Variants in SYNE3 observed in about 807,000 individuals in gnomAD.
SYNE3 encodes nesprin-3.
A neutral mutation model predicts 111.2 loss-of-function variants in SYNE3; 100 were observed. That is an observed-to-expected ratio of 0.90 (90% CI 0.77 to 1.06). The LOEUF (loss-of-function observed/expected upper bound fraction) is 1.06. SYNE3 is among the 50% of genes least tolerant of loss of function. SYNE3 has a pLI of 0.00. For missense variants in SYNE3, 1,160 were observed against 1,240.3 expected, an observed-to-expected ratio of 0.94 and a Z score of 0.97; for synonymous variants, 547 against 533.9, an observed-to-expected ratio of 1.02 and a Z score of -0.34.
intron 4 of SYNE3, among the ~76,000 whole-genome samples, chr14:95,462,690 G>T (rs758169047): frequency 6.6e-6 from 1 of 152,204 alleles, no homozygotes; most frequent in Non-Finnish European, 1.5e-5. Context: ...CACTGTCCCA[G>T]CCTGACCACA....
rs6575514 is a variant in SYNE3 at position 95,452,176 on chromosome 14, G to C, written c.1274+71C>G. ...CTATGTTGTAGGAGAAAGCAAGCCCGCCTTCTGGAGATGGGGAAATGTGGG... is the reference window on the plus strand; with the variant it reads ...CTATGTTGTAGGAGAAAGCAAGCCCCCCTTCTGGAGATGGGGAAATGTGGG... On this transcript the variant is annotated intron_variant, in intron 7 of 17. Coordinates refer to ENST00000682763, the MANE Select transcript of SYNE3 (RefSeq NM_152592.6). 42 of 1,478,272 alleles carry C rather than the reference G, an allele frequency of 2.8e-5. No individual in the cohort carries two copies. The East Asian group carries it at 1.0e-3, about 35-fold the overall frequency. The allele number at this position is 1,478,272 out of a possible 1,614,324, so 91.6% of individuals were successfully genotyped here. A position where few individuals can be genotyped will look rare whatever the true frequency, so the allele number is the denominator to read the frequency against.
Position 95,443,218 on chromosome 14 carries a change from G to A in SYNE3, c.1848C>T (p.Pro616=). ...GCTGGTCCATTTTGTGCTGGTGGTTGGGGTTCTCCTGGACCAGAGGCCTTG... is the reference window on the plus strand; with the variant it reads ...GCTGGTCCATTTTGTGCTGGTGGTTAGGGTTCTCCTGGACCAGAGGCCTTG... ...EAARPLVQEN[P]NHQHKMDQLS... is the part of the protein sequence containing the mutation. The change falls in exon 11 of 18, where the codon CCC becomes CCT. Residue 616 remains proline, a synonymous_variant. Coordinates refer to ENST00000682763, the MANE Select transcript of SYNE3 (RefSeq NM_152592.6). 6.2e-7 allele frequency: 1 copy of A among 1,614,202 alleles called. No individual in the cohort carries two copies. The highest frequency in any genetic ancestry group is 8.5e-7 in the Non-Finnish European group (1 of 1,180,032).
intron 17 of SYNE3, among the ~76,000 whole-genome samples, chr14:95,420,721 C>T (rs1274093738): frequency 6.6e-6 from 1 of 151,988 alleles, no homozygotes; most frequent in Middle Eastern, 3.2e-3. Context: ...AACACACACA[C>T]ACACACATAC....
rs1452704505 is a variant in SYNE3, at chr14:95,480,380, G to A, written c.-14-4545C>T. On this transcript the variant is annotated intron_variant, in intron 1 of 17. Transcript: ENST00000682763. ...GTCCATGTGGTTATCACAAATGACA[G>A]CGGAAGAGAAGTGATTTTTTTTTCA... Among the ~76,000 whole-genome samples the A allele has an allele frequency of 2.0e-5, 3 of 151,052 alleles. No individual in the cohort carries two copies. The East Asian group carries it at 5.8e-4, about 29-fold the overall frequency.
Position 95,475,841 on chromosome 14 carries a change from GA to G in SYNE3, c.-14-7del. 6.6e-7 allele frequency: 1 copy of G among 1,510,268 alleles called. No homozygotes were observed. The allele number at this position is 1,510,268 out of a possible 1,614,324, so 93.6% of individuals were successfully genotyped here. A position where few individuals can be genotyped will look rare whatever the true frequency, so the allele number is the denominator to read the frequency against. On this transcript the variant is annotated splice_polypyrimidine_tract_variant and splice_region_variant and intron_variant, in intron 1 of 17. Coordinates refer to ENST00000682763, the MANE Select transcript of SYNE3 (RefSeq NM_152592.6). ...AGTCATGGCACCTGCAGGGGCTGAA[GA>G]AAGGGCCACAGATAAGGCCAACAGG... is the stretch of plus-strand genomic sequence containing the variant.
chr14:95,411,188 T>C lies in SYNE3; in HGVS notation c.*6638A>G, dbSNP rs1903424473. 1 of 152,060 alleles carries C rather than the reference T, an allele frequency of 6.6e-6. No individual in the cohort carries two copies. The highest frequency in any genetic ancestry group is 1.5e-5 in the Non-Finnish European group (1 of 68,024). 9.4% of individuals were successfully genotyped at this position (152,060 alleles called of 1,614,324 possible). ...GAGAACTTAGCATTTCCTAATCCAT[T>C]TTGCCTCCCCTAAAAGTCCTACTTG... On this transcript the variant is annotated 3_prime_UTR_variant, in exon 18 of 18. Transcript: ENST00000682763.
intron 1 of SYNE3, among the ~76,000 whole-genome samples, chr14:95,509,963 G>GA (rs751137642): frequency 6.6e-6 from 1 of 152,216 alleles, no homozygotes; most frequent in Non-Finnish European, 1.5e-5. Flanking sequence ...GTACCTGCAA[G>GA]ACTTGAGCCA....
chr14:95,461,427 C>T (rs764359982), intron 4 of SYNE3, among the ~76,000 whole-genome samples: 8 of 152,214 alleles, frequency 5.3e-5, no homozygotes, highest in Admixed American at 3.3e-4. Context: ...GCAAACACTG[C>T]GGGCTGACAA....
intron 1 of SYNE3, among the ~76,000 whole-genome samples, chr14:95,505,893 T>C (rs953159483): frequency 6.6e-6 from 1 of 152,178 alleles, no homozygotes; most frequent in Non-Finnish European, 1.5e-5. Context: ...GATGTTCACC[T>C]AGACAAGATC....
Position 95,500,752 on chromosome 14 carries a change from C to T in SYNE3, c.-15+15844G>A, listed in dbSNP as rs1021125394. On this transcript the variant is annotated intron_variant, in intron 1 of 17. Transcript: ENST00000682763. This position sits in a 1 kb window ranked among gnomAD's most constrained non-coding sequence, Gnocchi z 4.7. ...TCGCAGGACCCTGGGTTGTCCCCAG[C>T]AGCCCCATAGCAGAGTCACTGACCC... Among the ~76,000 whole-genome samples, 3 of 152,230 alleles carry T rather than the reference C, an allele frequency of 2.0e-5. No homozygotes were observed. Among genetic ancestry groups the T allele is most frequent in the Non-Finnish European group, 4.4e-5 (3 of 68,044 alleles).
rs1047581876 is a variant in SYNE3, at chr14:95,407,874, G to C, written c.*9952C>G. The C allele has an allele frequency of 6.6e-6, 1 of 152,138 alleles. No individual in the cohort carries two copies. The highest frequency in any genetic ancestry group is 2.4e-5 in the African/African-American group (1 of 41,406). 9.4% of individuals were successfully genotyped at this position (152,138 alleles called of 1,614,324 possible). ...ACATGAACAGGTCAGTATCAGGTTA[G>C]TGTAACCAGGTCTCCAGGTACAAAG... On this transcript the variant is annotated 3_prime_UTR_variant, in exon 18 of 18. Transcript: ENST00000682763.
At chr14:95,496,692 C>A (rs1433310981) in intron 1 of SYNE3, among the ~76,000 whole-genome samples, 1 of 152,246 alleles carries the variant, frequency 6.6e-6, no homozygotes, top group Non-Finnish European at 1.5e-5. Context: ...TCATTACATT[C>A]TCATTGTAAA....
chr14:95,439,557 G>A (rs1187408645), intron 13 of SYNE3, 55 bp downstream of exon 13: 1 of 1,593,386 alleles, frequency 6.3e-7, no homozygotes, highest in Non-Finnish European at 8.5e-7. Flanking sequence ...GAGTGTCCCT[G>A]AGTGAGAAGG....
intron 4 of SYNE3, among the ~76,000 whole-genome samples, chr14:95,465,341 G>GGTGGATGC (rs11282260): frequency 0.7 from 105,309 of 151,374 alleles, 36,880 homozygotes; most frequent in African/African-American, 0.76. Flanking sequence ...GGTAGATAAT[G>GGTGGATGC]GTGAGTGGGT....
intron 15 of SYNE3, 47 bp from the exon 16 acceptor site, chr14:95,433,456 C>CCTG: frequency 6.2e-7 from 1 of 1,606,618 alleles, no homozygotes; most frequent in Admixed American, 1.7e-5. Context: ...ATGGCCCAGA[C>CCTG]AGCCCCACCT....
At chr14:95,510,985 T>C (rs1381860003) in intron 1 of SYNE3, among the ~76,000 whole-genome samples, 1 of 152,216 alleles carries the variant, frequency 6.6e-6, no homozygotes, top group Non-Finnish European at 1.5e-5. Context: ...CATTTCCCCA[T>C]GGCCCGCCCA....
chr14:95,442,467 G>T (rs751681184), intron 11 of SYNE3, among the ~76,000 whole-genome samples: 1 of 152,206 alleles, frequency 6.6e-6, no homozygotes, highest in African/African-American at 2.4e-5. Flanking sequence ...AGCTCTCACT[G>T]CCTCACTGGG....
At position 95,439,154 on chromosome 14, in the gene SYNE3, C is replaced by T. The variant is rs1160242482; in HGVS notation, c.2255G>A (p.Arg752Lys). ...TTCCATCCTCTGCAGATGCCAGTTTCTGATGAGGCTGAGAAGACAAACTCA... is the reference window on the plus strand; with the variant it reads ...TTCCATCCTCTGCAGATGCCAGTTTTTGATGAGGCTGAGAAGACAAACTCA... ...LLEESLLSLI[R>K]NWHLQRMEVD... Residue 752 changes from arginine (R) to lysine (K), a missense_variant, in exon 14 of 18, where the codon AGA (arginine) becomes AAA (lysine). Coordinates refer to ENST00000682763, the MANE Select transcript of SYNE3 (RefSeq NM_152592.6). 4 of 1,614,126 alleles carry T rather than the reference C, an allele frequency of 2.5e-6. No individual in the cohort carries two copies. Among genetic ancestry groups the T allele is most frequent in the East Asian group, 4.5e-5 (2 of 44,902 alleles).
intron 4 of SYNE3, among the ~76,000 whole-genome samples, chr14:95,465,316 A>C (rs911578204): frequency 2.1e-5 from 3 of 146,062 alleles, no homozygotes; most frequent in African/African-American, 7.8e-5. Context: ...ACTGCGAAAC[A>C]CTGGGTATCT....
Sources: allele counts gnomAD v4.1 joint callset (sites outside exome capture counted in the v4.1 genomes callset), GRCh38; gene constraint gnomAD v4.1.1; non-coding constraint Gnocchi (gnomAD v3.1); transcripts MANE v1.5; gene names NCBI Gene and HGNC (gene_info 2026-07-23, HGNC 2026-07-21).